The following RBFOX1 variants were observed in gnomAD, a reference collection of about 807,000 sequenced individuals.
RBFOX1 encodes the protein RNA binding fox-1 homolog 1.
A neutral mutation model predicts 57.7 loss-of-function variants in RBFOX1; 8 were observed. The ratio of observed to expected loss-of-function variants is 0.14; its 90% CI spans 0.08 to 0.25. The LOEUF is 0.25. Among genes scored for constraint, RBFOX1 ranks in the 10% least tolerant of loss-of-function variants. The pLI is 1.00. For synonymous variants in RBFOX1, 326 were observed against 222.4 expected, an observed-to-expected ratio of 1.47 and a Z score of -4.15; for missense variants, 611 against 548.5, an observed-to-expected ratio of 1.11 and a Z score of -1.14.
chr16:6,723,808 G>A (rs762094971), intron 3 of RBFOX1: 3 of 151,786 alleles, frequency 2.0e-5, no homozygotes, highest in East Asian at 1.9e-4. Context: ...TTCCAGCTAC[G>A]TACTCAAGAT....
At chr16:7,393,530 T>G (rs374625673) in intron 4 of RBFOX1, among the ~76,000 whole-genome samples, 2 of 152,094 alleles carry the variant, frequency 1.3e-5, no homozygotes, top group East Asian at 3.9e-4. Flanking sequence ...CTGAGATGGG[T>G]GCAAGTGGTG....
chr16:7,310,177 A>T (rs183914964), intron 4 of RBFOX1, among the ~76,000 whole-genome samples: 2 of 152,190 alleles, frequency 1.3e-5, no homozygotes, highest in Admixed American at 1.3e-4. Flanking sequence ...CAAATGAGCA[A>T]TGGACCCGCA....
At chr16:5,823,459 A>C (rs1350102921) in intron 3 of RBFOX1, among the ~76,000 whole-genome samples, 1 of 152,166 alleles carries the variant, frequency 6.6e-6, no homozygotes, top group Non-Finnish European at 1.5e-5. Context: ...TGAGAATATA[A>C]TATGTGTCAG....
At chr16:7,101,403 C>A (rs528753835) in intron 4 of RBFOX1, among the ~76,000 whole-genome samples, 1 of 152,116 alleles carries the variant, frequency 6.6e-6, no homozygotes, top group Non-Finnish European at 1.5e-5. Context: ...TCTTGGATTT[C>A]GTTCCAGAGT....
intron 1 of RBFOX1, among the ~76,000 whole-genome samples, chr16:6,174,500 C>T (rs2096988124): frequency 6.6e-6 from 1 of 152,106 alleles, no homozygotes; most frequent in Admixed American, 6.6e-5. Flanking sequence ...GAGGCTGAGG[C>T]ACAAGAGTCG....
chr16:7,250,469 CGCCTCAGCTGCA>C (rs1447494655), intron 4 of RBFOX1, among the ~76,000 whole-genome samples: 6 of 151,700 alleles, frequency 4.0e-5, no homozygotes, highest in Admixed American at 2.6e-4. Context: ...CCTGCTTCAT[CGCCTCAGCTGCA>C]GCCTCAGCTG....
Position 6,163,753 on chromosome 16 carries a change from A to G in RBFOX1, c.-127+143761A>G, listed in dbSNP as rs577322497. ...AATGCCAGGTCAGTCTGACACTGCA[A>G]CCTAAATCTTCAGTATTTATAAGGT... On this transcript the variant is annotated intron_variant, in intron 1 of 15. Coordinates refer to ENST00000550418, the MANE Select transcript of RBFOX1 (RefSeq NM_018723.4). Among the ~76,000 whole-genome samples, 81 of 152,308 alleles carry G rather than the reference A, an allele frequency of 5.3e-4. 1 individual carries two copies. In the Middle Eastern group the frequency reaches 0.014, roughly 26 times the overall value.
At chr16:7,240,296 T>C (rs1473446692) in intron 4 of RBFOX1, among the ~76,000 whole-genome samples, 1 of 152,124 alleles carries the variant, frequency 6.6e-6, no homozygotes, top group Admixed American at 6.6e-5. Context: ...ATAATAATAA[T>C]GAATGTTTAC....
intron 3 of RBFOX1, among the ~76,000 whole-genome samples, chr16:5,624,249 C>G (rs1187013139): frequency 6.6e-6 from 1 of 152,214 alleles, no homozygotes; most frequent in Non-Finnish European, 1.5e-5. Context: ...GGCTAGAGTG[C>G]AGTGGTGTGA....
chr16:6,452,392 C>T (rs1172111948), intron 2 of RBFOX1, among the ~76,000 whole-genome samples: 1 of 151,374 alleles, frequency 6.6e-6, no homozygotes, highest in African/African-American at 2.4e-5. Context: ...TGTCTCTTTT[C>T]CTTCCATAAC....
chr16:5,913,245 A>C (rs35791929), intron 4 of RBFOX1, among the ~76,000 whole-genome samples: 29,025 of 152,106 alleles, frequency 0.19, 3,070 homozygotes, highest in South Asian at 0.4. Context: ...ATTTATTGGG[A>C]CTTATGTATC....
At chr16:7,646,241 G>A (rs1275884819) in intron 11 of RBFOX1, among the ~76,000 whole-genome samples, 2 of 152,208 alleles carry the variant, frequency 1.3e-5, no homozygotes, top group African/African-American at 4.8e-5. Flanking sequence ...GCCCTGCCTC[G>A]GAAATTGCTG....
At chr16:7,678,643 T>C (rs866428106) in intron 14 of RBFOX1, among the ~76,000 whole-genome samples, 2 of 152,288 alleles carry the variant, frequency 1.3e-5, no homozygotes, top group Middle Eastern at 3.4e-3. Context: ...ATTACAAAGA[T>C]ATGATTTAAA....
At chr16:5,300,583 A>G (rs6650574) in intron 1 of RBFOX1, among the ~76,000 whole-genome samples, 2,845 of 152,272 alleles carry the variant, frequency 0.019, 78 homozygotes, top group African/African-American at 0.064. Context: ...TAATTATATT[A>G]TTTATTTTTT....
At chr16:5,982,122 C>T (rs2060186750) in intron 4 of RBFOX1, among the ~76,000 whole-genome samples, 1 of 152,184 alleles carries the variant, frequency 6.6e-6, no homozygotes, top group Non-Finnish European at 1.5e-5. Flanking sequence ...AATGGCCTGT[C>T]AGCTTCTGTG....
At chr16:7,361,932 G>A (rs1185889362) in intron 4 of RBFOX1, among the ~76,000 whole-genome samples, 8 of 151,750 alleles carry the variant, frequency 5.3e-5, no homozygotes, top group Admixed American at 2.0e-4. Flanking sequence ...GTGTGTTAGT[G>A]TGTATGTGTG....
At chr16:7,334,160 G>A (rs963417959) in intron 4 of RBFOX1, among the ~76,000 whole-genome samples, 1 of 152,102 alleles carries the variant, frequency 6.6e-6, no homozygotes, top group Non-Finnish European at 1.5e-5. Context: ...TTTGTTAAGT[G>A]TACGAACCTG....
At chr16:7,524,794 G>T (rs1382886260) in intron 5 of RBFOX1, among the ~76,000 whole-genome samples, 1 of 152,194 alleles carries the variant, frequency 6.6e-6, no homozygotes, top group African/African-American at 2.4e-5. Flanking sequence ...TAAGGTATTG[G>T]TTGGTGATGG....
intron 3 of RBFOX1, among the ~76,000 whole-genome samples, chr16:6,665,636 AAAAG>A (rs1426628215): frequency 5.4e-5 from 7 of 129,654 alleles, no homozygotes; most frequent in Admixed American, 4.7e-4. Context: ...CAAAAAAAAA[AAAAG>A]AAGAAGGAGG....
Sources: gnomAD v4.1 joint callset for allele counts (sites outside exome capture counted in the v4.1 genomes callset) on GRCh38, gnomAD v4.1.1 for gene constraint, MANE v1.5 for transcripts, NCBI Gene and HGNC (gene_info 2026-07-23, HGNC 2026-07-21) for gene names.